NOTCH3: variants seen among roughly 807,000 people sequenced by gnomAD.
The protein encoded by NOTCH3 is neurogenic locus notch homolog protein 3.
NOTCH3 carries 86 observed loss-of-function variants against 213.3 expected under a neutral mutation model. The observed-to-expected ratio is 0.40, with a 90% confidence interval of 0.34 to 0.48. The LOEUF is 0.48. Ranked by LOEUF, NOTCH3 falls within the 20% of genes least tolerant of loss-of-function variation. The pLI is 0.57. For missense variants in NOTCH3, 2,783 were observed against 3,272.6 expected, an observed-to-expected ratio of 0.85 and a Z score of 3.65; for synonymous variants, 1,354 against 1,355.9, an observed-to-expected ratio of 1.00 and a Z score of 0.03.
In NOTCH3 at chr19:15,161,653, A is replaced by G; in HGVS notation, c.5975T>C (p.Leu1992Ser). The change falls in exon 33 of 33, where the codon TTG becomes TCG. Residue 1992 changes from leucine (L) to serine (S), a missense_variant. By Grantham distance (145) the Leu-to-Ser change is moderately radical (BLOSUM62 -2). This residue lies in a region of NOTCH3 where 636 missense variants were observed against 801.8 expected (regional missense o/e 0.79). Coordinates refer to ENST00000263388, the MANE Select transcript of NOTCH3 (RefSeq NM_000435.3). ...GATCTCACGGTTGGCAAAGTGGTCC[A>G]ACAGCAGCTTGGCAGCCTCATAGCT... is the stretch of plus-strand genomic sequence containing the variant. ...EGSYEAAKLL[L>S]DHFANREITD... 1 of 1,613,976 alleles carries G rather than the reference A, an allele frequency of 6.2e-7. No homozygotes were observed. Among genetic ancestry groups the G allele is most frequent in the East Asian group, 2.2e-5 (1 of 44,874 alleles).
chr19:15,185,594 G>T lies in NOTCH3; in HGVS notation c.2037C>A (p.Phe679Leu), dbSNP rs1420595924. The change falls in exon 13 of 33, where the codon TTC (phenylalanine) becomes TTA (leucine). Residue 679 changes from phenylalanine (F) to leucine (L), a missense_variant. Around this residue, in one of 6 missense-constraint regions of NOTCH3, gnomAD observed 861 missense variants for 909.1 expected, o/e 0.95. Coordinates refer to ENST00000263388, the MANE Select transcript of NOTCH3 (RefSeq NM_000435.3). This position sits in a 1 kb window ranked among gnomAD's most constrained non-coding sequence, Gnocchi z 4.2. ...GGSCVDGENG[F>L]RCLCPPGSLP... is the part of the protein sequence containing the mutation. Reference sequence around the variant, plus strand: ...AGGAGCCAGGCGGGCAGAGGCAGCGGAAGCCATTTTCCCCATCCACACAGG... The same window carrying T: ...AGGAGCCAGGCGGGCAGAGGCAGCGTAAGCCATTTTCCCCATCCACACAGG... The T allele has an allele frequency of 1.2e-6, 2 of 1,613,642 alleles. No individual in the cohort carries two copies. Among genetic ancestry groups the T allele is most frequent in the Non-Finnish European group, 1.7e-6 (2 of 1,180,022 alleles).
chr19:15,192,240 G>A lies in NOTCH3; in HGVS notation c.399C>T (p.Arg133=), dbSNP rs1466932098. The change falls in exon 4 of 33, where the codon CGC becomes CGT. Residue 133 remains arginine, a synonymous_variant. Transcript: ENST00000263388. ...AGCGTCCATCGGGCCCCACTGAGCAGCGGGCACCGTGGGCACAAGGGCTGC... is the reference window on the plus strand; with the variant it reads ...AGCGTCCATCGGGCCCCACTGAGCAACGGGCACCGTGGGCACAAGGGCTGC... ...CLSSPCAHGA[R]CSVGPDGRFL... 3 of 1,604,844 alleles carry A rather than the reference G, an allele frequency of 1.9e-6. No homozygotes were observed. The highest frequency in any genetic ancestry group is 2.6e-6 in the Non-Finnish European group (3 of 1,176,330).
At chr19:15,183,664 G>A (rs1448390940) in intron 16 of NOTCH3, among the ~76,000 whole-genome samples, 1 of 152,140 alleles carries the variant, frequency 6.6e-6, no homozygotes, top group Non-Finnish European at 1.5e-5. Flanking sequence ...CTCCCAAAGT[G>A]CTGAGATTAC....
At position 15,192,138 on chromosome 19, in the gene NOTCH3, G is replaced by T. The variant is rs761959009; in HGVS notation, c.501C>A (p.Pro167=). ...SDVDECRVGE[P]CRHGGTCLNT... is the part of the protein sequence containing the mutation. ...TGAGGCAGGTGCCACCATGGCGGCA[G>T]GGCTCACCCACCCGGCACTCATCCA... is the stretch of plus-strand genomic sequence containing the variant. Residue 167 remains proline (P), a synonymous_variant, in exon 4 of 33, where the codon CCC becomes CCA. Transcript: ENST00000263388. 6.2e-7 allele frequency: 1 copy of T among 1,612,990 alleles called. No homozygotes were observed. The highest frequency in any genetic ancestry group is 8.5e-7 in the Non-Finnish European group (1 of 1,180,006).
Position 15,161,484 on chromosome 19 carries a change from G to C in NOTCH3, c.6144C>G (p.Ala2048=), listed in dbSNP as rs1034780735. ...GLGPLLCPPG[A]FLPGLKAAQS... is the part of the protein sequence containing the mutation. ...GTGCCGCTTTGAGGCCAGGGAGGAA[G>C]GCCCCTGGAGGACAGAGCAGAGGCC... is the stretch of plus-strand genomic sequence containing the variant. Residue 2048 remains alanine, a synonymous_variant, in exon 33 of 33, where the codon GCC becomes GCG. Coordinates refer to ENST00000263388, the MANE Select transcript of NOTCH3 (RefSeq NM_000435.3). 6.3e-7 allele frequency: 1 copy of C among 1,581,398 alleles called. No individual in the cohort carries two copies. Among genetic ancestry groups the C allele is most frequent in the Non-Finnish European group, 8.6e-7 (1 of 1,163,610 alleles).
At chr19:15,175,533 T>TAAAA (rs34762214) in intron 24 of NOTCH3, among the ~76,000 whole-genome samples, 17 of 44,128 alleles carry the variant, frequency 3.9e-4, no homozygotes, top group Non-Finnish European at 5.0e-4. Flanking sequence ...AAATCCTGTC[T>TAAAA]AAAAAAAAAA....
rs113178142 is a variant in NOTCH3 at position 15,161,390 on chromosome 19, G to A, written c.6238C>T (p.Arg2080Trp). ...CAGGCCAGCGTCAGCTTCTTGCCCCGCCCCCGGGGCCCCTGCGGCCCCAGC... is the reference window on the plus strand; with the variant it reads ...CAGGCCAGCGTCAGCTTCTTGCCCCACCCCCGGGGCCCCTGCGGCCCCAGC... The part of the protein sequence containing the change: ...AGLGPQGPRG[R>W]GKKLTLACPG... Residue 2080 changes from arginine to tryptophan, a missense_variant, in exon 33 of 33, where the codon CGG (arginine) becomes TGG (tryptophan). Arg to Trp is a moderately radical substitution (Grantham distance 101). Coordinates refer to ENST00000263388, the MANE Select transcript of NOTCH3 (RefSeq NM_000435.3). 82 of 1,520,524 alleles carry A rather than the reference G, an allele frequency of 5.4e-5. No individual in the cohort carries two copies. Among genetic ancestry groups the A allele is most frequent in the African/African-American group, 2.2e-4 (16 of 71,946 alleles). The allele number at this position is 1,520,524 out of a possible 1,614,324, so 94.2% of individuals were successfully genotyped here. A position where few individuals can be genotyped will look rare whatever the true frequency, so the allele number is the denominator to read the frequency against.
chr19:15,189,543 A>T, intron 6 of NOTCH3, 115 bp from the exon 7 acceptor site: 2 of 1,325,378 alleles, frequency 1.5e-6, no homozygotes, highest in Non-Finnish European at 2.1e-6. Flanking sequence ...TTTGAGACGA[A>T]GTTTCGCTCT....
chr19:15,168,909 A>C (rs1227913896), intron 28 of NOTCH3, among the ~76,000 whole-genome samples: 1 of 152,106 alleles, frequency 6.6e-6, no homozygotes, highest in Non-Finnish European at 1.5e-5. Flanking sequence ...ATGTGCCTGC[A>C]TTTGAAGATA....
chr19:15,200,232 G>C (rs552960626), intron 1 of NOTCH3, among the ~76,000 whole-genome samples: 2 of 151,544 alleles, frequency 1.3e-5, no homozygotes, highest in African/African-American at 4.8e-5. Flanking sequence ...GGGGGCGCGC[G>C]CGCCGCCGAG....
intron 28 of NOTCH3, among the ~76,000 whole-genome samples, chr19:15,168,583 C>T (rs1325468530): frequency 6.6e-6 from 1 of 152,094 alleles, no homozygotes; most frequent in East Asian, 1.9e-4. Context: ...TCTGTAATCC[C>T]AGCACTTTGG....
chr19:15,191,192 C>T (rs893556102), intron 6 of NOTCH3, among the ~76,000 whole-genome samples: 4 of 151,884 alleles, frequency 2.6e-5, no homozygotes, highest in East Asian at 1.9e-4. Flanking sequence ...CACCACCACG[C>T]GCAGCTAATT....
In NOTCH3 at chr19:15,192,413, C is replaced by A. The variant is rs753596637; in HGVS notation, c.304G>T (p.Ala102Ser). The A allele has an allele frequency of 1.9e-6, 3 of 1,612,330 alleles. No homozygotes were observed. The highest frequency in any genetic ancestry group is 1.7e-6 in the Non-Finnish European group (2 of 1,179,904). The change falls in exon 3 of 33, where the codon GCC (alanine) becomes TCC (serine). Residue 102 changes from alanine to serine, a missense_variant. By Grantham distance (99) the Ala-to-Ser change is moderately conservative. Transcript: ENST00000263388. ...VCQSSVVAGTARFSCRCPRGF... is the reference protein window; with the variant it reads ...VCQSSVVAGTSRFSCRCPRGF... ...CGGGGGCACCGGCATGAGAATCGGG[C>A]GGTGCCAGCCACCACTGAACTCTGG...
chr19:15,184,543 T>C, intron 15 of NOTCH3, 93 bp from the exon 16 acceptor site: 3 of 1,252,562 alleles, frequency 2.4e-6, no homozygotes, highest in Non-Finnish European at 3.5e-6. Context: ...CAGGCCGAGA[T>C]GGGTGAAGGC....
At chr19:15,196,115 A>G (rs2046968575) in intron 2 of NOTCH3, among the ~76,000 whole-genome samples, 1 of 152,088 alleles carries the variant, frequency 6.6e-6, no homozygotes, top group East Asian at 1.9e-4. Flanking sequence ...GAGGGCGTGT[A>G]GGGAGTGGTT....
intron 1 of NOTCH3, among the ~76,000 whole-genome samples, chr19:15,200,561 T>G (rs1338147203): frequency 6.6e-6 from 1 of 151,950 alleles, no homozygotes; most frequent in Non-Finnish European, 1.5e-5. Context: ...CTGGGTCCCT[T>G]CATCTTCAGC....
chr19:15,169,711 C>G (rs567470006), intron 28 of NOTCH3, among the ~76,000 whole-genome samples: 1 of 152,260 alleles, frequency 6.6e-6, no homozygotes, highest in East Asian at 1.9e-4. Flanking sequence ...CACTTTCAGG[C>G]TAAGTCCATG....
Position 15,181,821 on chromosome 19 carries a change from G to T in NOTCH3, c.2567-20C>A. The T allele has an allele frequency of 6.5e-7, 1 of 1,545,518 alleles. No individual in the cohort carries two copies. Among genetic ancestry groups the T allele is most frequent in the Non-Finnish European group, 8.7e-7 (1 of 1,144,998 alleles). On this transcript the variant is annotated intron_variant, in intron 16 of 32. Transcript: ENST00000263388. ...ATGGGTCTGCGGACAGGAGGAAGGC[G>T]GTCTGGTCACCTACCTTGCCCCCAT...
chr19:15,169,186 G>GTCTCTCTCTCTCTCTCTC (rs56916343), intron 28 of NOTCH3, among the ~76,000 whole-genome samples: 8 of 146,742 alleles, frequency 5.5e-5, no homozygotes, highest in East Asian at 4.1e-4. Context: ...TGTCAAATCT[G>GTCTCTCTCTCTCTCTCTC]TCTCTCTCTC....
Sources: gnomAD v4.1 joint callset for allele counts (sites outside exome capture counted in the v4.1 genomes callset) on GRCh38, gnomAD v4.1.1 for gene constraint, gnomAD v4.1.1 regional missense constraint, Gnocchi (gnomAD v3.1) non-coding constraint, MANE v1.5 for transcripts, NCBI Gene and HGNC (gene_info 2026-07-23, HGNC 2026-07-21) for gene names.